The following ETV1 variants were observed in gnomAD, a reference collection of about 807,000 sequenced individuals.
ETV1 encodes ETS variant transcription factor 1.
ETV1 carries 27 observed loss-of-function variants against 62.3 expected under a neutral mutation model. That is an observed-to-expected ratio of 0.43 (90% CI 0.32 to 0.60). The LOEUF (loss-of-function observed/expected upper bound fraction) is 0.60, where lower values mean the gene tolerates loss of function less well. ETV1 is among the 20% of genes least tolerant of loss of function. The probability of loss-of-function intolerance (pLI) is 0.06; values close to 1 mark genes in which losing one functional copy is unlikely to be tolerated. For missense variants in ETV1, 605 were observed against 605.8 expected, an observed-to-expected ratio of 1.00 and a Z score of 0.01; for synonymous variants, 222 against 199.6, an observed-to-expected ratio of 1.11 and a Z score of -0.94.
intron 6 of ETV1, among the ~76,000 whole-genome samples, chr7:13,970,833 T>C (rs952703671): frequency 6.6e-6 from 1 of 152,084 alleles, no homozygotes. Flanking sequence ...TAACACAAAT[T>C]ATTCAGTCAG....
intron 9 of ETV1, among the ~76,000 whole-genome samples, chr7:13,916,356 G>A (rs1784153107): frequency 6.6e-6 from 1 of 152,162 alleles, no homozygotes; most frequent in African/African-American, 2.4e-5. Context: ...GAAAAGTAGA[G>A]GTCAGACGTG....
At chr7:13,922,532 G>C (rs1322630480) in intron 9 of ETV1, among the ~76,000 whole-genome samples, 4 of 152,098 alleles carry the variant, frequency 2.6e-5, no homozygotes, top group Non-Finnish European at 4.4e-5. Context: ...AATTGCTTGA[G>C]GCCAAGAGTT....
At chr7:13,939,412 A>C (rs1191698867) in intron 6 of ETV1, among the ~76,000 whole-genome samples, 166 bp from the exon 7 acceptor site, 1 of 152,196 alleles carries the variant, frequency 6.6e-6, no homozygotes, top group Non-Finnish European at 1.5e-5. Context: ...ATTTCAGAGA[A>C]TCTTCATATA....
chr7:13,922,920 C>T (rs757075590), intron 9 of ETV1, among the ~76,000 whole-genome samples: 4 of 152,068 alleles, frequency 2.6e-5, no homozygotes, highest in African/African-American at 4.8e-5. Context: ...CCCTAGAACA[C>T]GTATCTCATC....
chr7:13,947,022 C>T (rs566970536), intron 6 of ETV1, among the ~76,000 whole-genome samples: 7 of 152,094 alleles, frequency 4.6e-5, no homozygotes, highest in African/African-American at 1.4e-4. Flanking sequence ...AACTCCAGAC[C>T]GCCTCGGCCT....
chr7:13,936,813 G>A lies in ETV1; in HGVS notation c.366-917C>T, dbSNP rs182978606. Among the ~76,000 whole-genome samples, 21 of 152,150 alleles carry A rather than the reference G, an allele frequency of 1.4e-4. No individual in the cohort carries two copies. The East Asian group carries it at 3.1e-3, about 22-fold the overall frequency. On this transcript the variant is annotated intron_variant, in intron 7 of 13. Coordinates refer to ENST00000430479, the MANE Select transcript of ETV1 (RefSeq NM_004956.5). ...CCTAGCACTTTGGGAGGCTGAGGTG[G>A]GAGGATCGCTTAAGCACGGGAGTTT...
intron 6 of ETV1, among the ~76,000 whole-genome samples, chr7:13,950,687 C>G (rs1285020537): frequency 6.6e-6 from 1 of 152,052 alleles, no homozygotes; most frequent in East Asian, 1.9e-4. Context: ...TGGGGTCCAT[C>G]TTTCATCTTT....
intron 6 of ETV1, among the ~76,000 whole-genome samples, chr7:13,969,387 A>G (rs1375409736): frequency 6.6e-6 from 1 of 152,218 alleles, no homozygotes; most frequent in Non-Finnish European, 1.5e-5. Context: ...ACAATATATT[A>G]CTTAAATAAT....
intron 6 of ETV1, among the ~76,000 whole-genome samples, chr7:13,963,569 G>A (rs1305460399): frequency 4.0e-5 from 6 of 149,376 alleles, no homozygotes; most frequent in African/African-American, 1.5e-4. Context: ...ACACCTATAC[G>A]TATATATAGA....
In ETV1 at chr7:13,939,185, G is replaced by A. The variant is rs188122906; in HGVS notation, c.297C>T (p.Ile99=). 4.2e-4 allele frequency: 681 copies of A among 1,613,018 alleles called. 2 individuals are homozygous for A. In the African/African-American group the frequency reaches 7.9e-3, roughly 19 times the overall value. The change falls in exon 7 of 14, where the codon ATC becomes ATT. Residue 99 remains isoleucine, a synonymous_variant. Transcript: ENST00000430479. The part of the protein sequence containing the change: ...KKEPHSPCSE[I]SSACSQEQPF... ...GCTGTTCTTGACTGCAGGCAGAGCT[G>A]ATTTCTGAACATGGACTGTGGGGTT...
intron 8 of ETV1, among the ~76,000 whole-genome samples, chr7:13,933,609 G>A (rs1266695204): frequency 6.6e-6 from 1 of 152,164 alleles, no homozygotes; most frequent in Non-Finnish European, 1.5e-5. Flanking sequence ...GTGCCTGGCT[G>A]GAGGGGGTGT....
Position 13,893,583 on chromosome 7 carries a change from G to A in ETV1, c.*2283C>T, listed in dbSNP as rs1781528793. The A allele has an allele frequency of 4.3e-6, 1 of 231,264 alleles. No homozygotes were observed. The highest frequency in any genetic ancestry group is 8.5e-6 in the Non-Finnish European group (1 of 117,236). 14.3% of individuals were successfully genotyped at this position (231,264 alleles called of 1,614,324 possible). ...ATGGCCCAATTCTTCCTCACTGACTGACTAAAACTAGACTATTAAAAAGAA... is the reference window on the plus strand; with the variant it reads ...ATGGCCCAATTCTTCCTCACTGACTAACTAAAACTAGACTATTAAAAAGAA... On this transcript the variant is annotated 3_prime_UTR_variant, in exon 14 of 14. Coordinates refer to ENST00000430479, the MANE Select transcript of ETV1 (RefSeq NM_004956.5).
At chr7:13,923,433 T>C (rs191049777) in intron 9 of ETV1, among the ~76,000 whole-genome samples, 1 of 152,066 alleles carries the variant, frequency 6.6e-6, no homozygotes, top group East Asian at 1.9e-4. Context: ...AACCCAAGAG[T>C]ATTTAAATTT....
At chr7:13,972,924 T>C (rs2128495249) in intron 6 of ETV1, among the ~76,000 whole-genome samples, 1 of 152,310 alleles carries the variant, frequency 6.6e-6, no homozygotes, top group African/African-American at 2.4e-5. Flanking sequence ...TTTCACTTAT[T>C]TTTAATGCCT....
intron 6 of ETV1, 61 bp from the exon 7 acceptor site, chr7:13,939,307 T>C (rs1787202812): frequency 9.1e-6 from 13 of 1,422,396 alleles, no homozygotes; most frequent in Non-Finnish European, 1.2e-5. Context: ...TGGAGATTAA[T>C]GTGTTCTACT....
At chr7:13,905,856 C>A (rs1204756005) in intron 12 of ETV1, among the ~76,000 whole-genome samples, 3 of 152,142 alleles carry the variant, frequency 2.0e-5, no homozygotes, top group Non-Finnish European at 4.4e-5. Context: ...TTCTACCAGG[C>A]CTGTGTCTTG....
chr7:13,896,792 G>T (rs1781890590), intron 13 of ETV1, among the ~76,000 whole-genome samples: 1 of 150,710 alleles, frequency 6.6e-6, no homozygotes, highest in African/African-American at 2.4e-5. Flanking sequence ...AAGAAAGAAA[G>T]GATACACAGC....
intron 8 of ETV1, among the ~76,000 whole-genome samples, chr7:13,932,528 G>A (rs1250618724): frequency 6.6e-6 from 1 of 152,204 alleles, no homozygotes; most frequent in Non-Finnish European, 1.5e-5. Flanking sequence ...TTTGGGGCAA[G>A]TCCCGCTGTT....
intron 11 of ETV1, 62 bp from the exon 12 acceptor site, chr7:13,906,661 T>G: frequency 8.0e-7 from 1 of 1,255,710 alleles, no homozygotes. Flanking sequence ...ACATAAAATG[T>G]ACATTAAATC....
Sources: allele counts gnomAD v4.1 joint callset (sites outside exome capture counted in the v4.1 genomes callset), GRCh38; gene constraint gnomAD v4.1.1; transcripts MANE v1.5; gene names NCBI Gene and HGNC (gene_info 2026-07-23, HGNC 2026-07-21).